The following CCDC81 variants were observed in gnomAD, a reference collection of about 807,000 sequenced individuals.
CCDC81 encodes coiled-coil domain-containing protein 81.
A neutral mutation model predicts 83.7 loss-of-function variants in CCDC81; 79 were observed. The ratio of observed to expected loss-of-function variants is 0.94; its 90% CI spans 0.79 to 1.14. The LOEUF (loss-of-function observed/expected upper bound fraction) is 1.14. CCDC81 is among the 50% of genes most tolerant of loss of function. CCDC81 has a pLI of 0.00. For synonymous variants in CCDC81, 252 were observed against 278.1 expected (o/e 0.91, Z 0.93); for missense variants, 791 against 778.1 (o/e 1.02, Z -0.20).
In CCDC81 at chr11:86,422,834, C is replaced by A; in HGVS notation, c.*119C>A. ...AAAAAATCATTGTTTAGGTTTGGTG[C>A]TTTCATTAGATTGCTTGTTAAGCCC... On this transcript the variant is annotated 3_prime_UTR_variant, in exon 15 of 15. Coordinates refer to ENST00000445632, the MANE Select transcript of CCDC81 (RefSeq NM_001156474.2). 9.9e-7 allele frequency: 1 copy of A among 1,012,282 alleles called. No individual in the cohort carries two copies. The highest frequency in any genetic ancestry group is 1.4e-6 in the Non-Finnish European group (1 of 696,576). 62.7% of individuals were successfully genotyped at this position (1,012,282 alleles called of 1,614,324 possible). A position where few individuals can be genotyped will look rare whatever the true frequency, so the allele number is the denominator to read the frequency against.
At chr11:86,401,548 A>T (rs567657055) in intron 7 of CCDC81, among the ~76,000 whole-genome samples, 1 of 152,330 alleles carries the variant, frequency 6.6e-6, no homozygotes, top group Admixed American at 6.5e-5. Flanking sequence ...ACTGTTATGA[A>T]AGATAATTGA....
chr11:86,385,334 G>A (rs893517697), intron 1 of CCDC81, among the ~76,000 whole-genome samples: 29 of 152,012 alleles, frequency 1.9e-4, no homozygotes, highest in Admixed American at 3.9e-4. Flanking sequence ...GCAGTGAGCC[G>A]AGATCACGCC....
At chr11:86,379,535 C>T (rs189233382) in intron 1 of CCDC81, among the ~76,000 whole-genome samples, 116 of 152,240 alleles carry the variant, frequency 7.6e-4, no homozygotes, top group Non-Finnish European at 1.5e-3. Context: ...ATCTTAATTC[C>T]TTCCTCCCAT....
chr11:86,404,067 G>A (rs1948531445), intron 7 of CCDC81, among the ~76,000 whole-genome samples: 2 of 151,808 alleles, frequency 1.3e-5, no homozygotes, highest in Admixed American at 1.3e-4. Flanking sequence ...CCGAGTTAGA[G>A]GATTAAAAAA....
At position 86,400,773 on chromosome 11, in the gene CCDC81, A is replaced by G. The variant is rs757792270; in HGVS notation, c.853A>G (p.Ser285Gly). ...SLLEKFERSE[S>G]GGKIMTPESL... is the part of the protein sequence containing the mutation. ...GCTGGAAAAGTTTGAACGAAGTGAG[A>G]GTGGTGGGAAGATTATGACCCCTGA... Residue 285 changes from serine (S) to glycine (G), a missense_variant, in exon 7 of 15, where the codon AGT (serine) becomes GGT (glycine). By Grantham distance (56) the Ser-to-Gly change is moderately conservative. Coordinates refer to ENST00000445632, the MANE Select transcript of CCDC81 (RefSeq NM_001156474.2). The G allele has an allele frequency of 6.2e-7, 1 of 1,611,916 alleles. No individual in the cohort carries two copies. Among genetic ancestry groups the G allele is most frequent in the Non-Finnish European group, 8.5e-7 (1 of 1,178,284 alleles).
intron 3 of CCDC81, among the ~76,000 whole-genome samples, chr11:86,389,079 C>T (rs1160883053): frequency 6.6e-6 from 1 of 152,040 alleles, no homozygotes; most frequent in East Asian, 1.9e-4. Context: ...CACTTGAGGC[C>T]AGAAGTTCAA....
At chr11:86,375,382 A>G in intron 1 of CCDC81, 140 bp downstream of exon 1, 1 of 663,560 alleles carries the variant, frequency 1.5e-6, no homozygotes, top group Non-Finnish European at 2.6e-6. Context: ...ACCAGCTGGT[A>G]ATCACATCCT....
intron 7 of CCDC81, among the ~76,000 whole-genome samples, chr11:86,405,536 C>A (rs562793182): frequency 6.6e-6 from 1 of 152,032 alleles, no homozygotes; most frequent in African/African-American, 2.4e-5. Context: ...CATTATTACC[C>A]CTTTTCTGTT....
chr11:86,397,855 A>T, intron 6 of CCDC81, 113 bp downstream of exon 6: 1 of 1,234,882 alleles, frequency 8.1e-7, no homozygotes, highest in Non-Finnish European at 1.1e-6. Context: ...CTATATTATT[A>T]TTACTTTTTT....
Position 86,414,773 on chromosome 11 carries a change from T to A in CCDC81, c.1392-16T>A. 1.3e-6 allele frequency: 2 copies of A among 1,586,688 alleles called. No homozygotes were observed. The highest frequency in any genetic ancestry group is 1.7e-6 in the Non-Finnish European group (2 of 1,167,862). ...TGCAAAACTGTGGTCCATCTTCTCT[T>A]GTTCTTAACTGCCAGACTTGCTGCG... On this transcript the variant is annotated splice_polypyrimidine_tract_variant and intron_variant, in intron 11 of 14. Coordinates refer to ENST00000445632, the MANE Select transcript of CCDC81 (RefSeq NM_001156474.2).
intron 1 of CCDC81, 59 bp downstream of exon 1, chr11:86,375,301 G>C: frequency 1.4e-6 from 2 of 1,444,862 alleles, no homozygotes; most frequent in Non-Finnish European, 1.9e-6. Flanking sequence ...CTGCTTGCAG[G>C]GGAGGCGGGG....
rs1187152717 is a variant in CCDC81 at position 86,395,414 on chromosome 11, G to T, written c.635+1G>T. On this transcript the variant is annotated splice_donor_variant, in intron 5 of 14. Transcript: ENST00000445632. LOFTEE classifies it high-confidence loss of function. ...CCAGCAGTGTGCTTGCGTTTCCAAG[G>T]TGAGTGCTTTGCTTCACGGGTTCCT... 6.2e-7 allele frequency: 1 copy of T among 1,613,700 alleles called. No individual in the cohort carries two copies. Among genetic ancestry groups the T allele is most frequent in the Non-Finnish European group, 8.5e-7 (1 of 1,179,732 alleles).
At position 86,422,671 on chromosome 11, in the gene CCDC81, T is replaced by C; in HGVS notation, c.1915T>C (p.Trp639Arg). The C allele has an allele frequency of 6.2e-7, 1 of 1,614,210 alleles. No individual in the cohort carries two copies. Among genetic ancestry groups the C allele is most frequent in the South Asian group, 1.1e-5 (1 of 91,088 alleles). The change falls in exon 15 of 15, where the codon TGG (tryptophan) becomes CGG (arginine). Residue 639 changes from tryptophan (W) to arginine (R), a missense_variant. Transcript: ENST00000445632. The part of the protein sequence containing the change: ...RTSNVGESNL[W>R]PLNKFLPGSR... ...CTCCAACGTGGGCGAGAGCAACCTGTGGCCCCTGAACAAGTTCCTGCCTGG... is the reference window on the plus strand; with the variant it reads ...CTCCAACGTGGGCGAGAGCAACCTGCGGCCCCTGAACAAGTTCCTGCCTGG...
chr11:86,379,388 G>A (rs1249099217), intron 1 of CCDC81, among the ~76,000 whole-genome samples: 2 of 152,044 alleles, frequency 1.3e-5, no homozygotes, highest in Non-Finnish European at 2.9e-5. Context: ...GAGCCACCGT[G>A]CCAGGCCCAG....
intron 6 of CCDC81, 101 bp from the exon 7 acceptor site, chr11:86,400,577 G>A (rs756458776): frequency 6.5e-5 from 76 of 1,162,974 alleles, no homozygotes; most frequent in Non-Finnish European, 8.5e-5. Flanking sequence ...TTAAAGATAA[G>A]AGAGTGTATC....
At chr11:86,402,732 AGAGAGT>A (rs1948510256) in intron 7 of CCDC81, among the ~76,000 whole-genome samples, 1 of 152,216 alleles carries the variant, frequency 6.6e-6, no homozygotes, top group Non-Finnish European at 1.5e-5. Flanking sequence ...CAGTAATATG[AGAGAGT>A]GCTATATTTT....
rs765226842 is a variant in CCDC81 at position 86,395,377 on chromosome 11, T to C, written c.599T>C (p.Leu200Ser). The change falls in exon 5 of 15, where the codon TTG (leucine) becomes TCG (serine). Residue 200 changes from leucine (L) to serine (S), a missense_variant. By Grantham distance (145) the Leu-to-Ser change is moderately radical (BLOSUM62 -2). Transcript: ENST00000445632. ...TCGGTGTTGTCTAGCAGAGAGGCCT[T>C]GAGGAAGTGGCCCAGCAGTGTGCTT... ...VDSVLSSREA[L>S]RKWPSSVLAF... The C allele has an allele frequency of 5.0e-6, 8 of 1,614,116 alleles. No homozygotes were observed. The highest frequency in any genetic ancestry group is 5.9e-6 in the Non-Finnish European group (7 of 1,179,996).
chr11:86,400,035 G>T (rs1948463853), intron 6 of CCDC81, among the ~76,000 whole-genome samples: 1 of 151,706 alleles, frequency 6.6e-6, no homozygotes, highest in South Asian at 2.1e-4. Context: ...GGAGGCTGAG[G>T]TGGGAGAATT....
chr11:86,415,361 C>T (rs1047657685), intron 13 of CCDC81, 48 bp downstream of exon 13: 15 of 1,464,724 alleles, frequency 1.0e-5, no homozygotes, highest in East Asian at 9.1e-5. Flanking sequence ...TCACTTATTC[C>T]GCTTCCTTTA....
Sources: allele counts gnomAD v4.1 joint callset (sites outside exome capture counted in the v4.1 genomes callset), GRCh38; gene constraint gnomAD v4.1.1; transcripts MANE v1.5; gene names NCBI Gene and HGNC (gene_info 2026-07-23, HGNC 2026-07-21).